Variants in OLFM3 observed in about 807,000 individuals in gnomAD.
OLFM3 encodes noelin-3.
Under a neutral mutation model 48.6 loss-of-function variants are expected in OLFM3, and 20 were observed. The observed-to-expected ratio is 0.41, with a 90% confidence interval of 0.29 to 0.60. The LOEUF is 0.60. Among genes scored for constraint, OLFM3 ranks in the 20% least tolerant of loss-of-function variants. The pLI, the probability that OLFM3 is intolerant of heterozygous loss-of-function variation, is 0.28. For synonymous variants in OLFM3, 222 were observed against 198.1 expected (o/e 1.12, Z -1.01); for missense variants, 437 against 544.3 (o/e 0.80, Z 1.96).
In OLFM3 at chr1:101,881,829, C is replaced by T. The variant is rs1206707641; in HGVS notation, c.70-44804G>A. On this transcript the variant is annotated intron_variant, in intron 1 of 5. Coordinates refer to ENST00000370103, the MANE Select transcript of OLFM3 (RefSeq NM_058170.4). Reference sequence around the variant, plus strand: ...GCTGCAGTATTGGTGGTAGAATATACTATAATATGGATCATCTCTACTTCT... The same window carrying T: ...GCTGCAGTATTGGTGGTAGAATATATTATAATATGGATCATCTCTACTTCT... Among the ~76,000 whole-genome samples, 12 of 151,398 alleles carry T rather than the reference C, an allele frequency of 7.9e-5. No homozygotes were observed. The South Asian group carries it at 2.1e-3, about 26-fold the overall frequency.
chr1:101,844,721 A>G (rs549179448), intron 1 of OLFM3, among the ~76,000 whole-genome samples: 11 of 152,250 alleles, frequency 7.2e-5, no homozygotes, highest in South Asian at 4.1e-4. Context: ...GCCTCTCCCA[A>G]TCATTTATTA....
In OLFM3 at chr1:101,804,250, C is replaced by T. The variant is rs1223658079; in HGVS notation, c.1365G>A (p.Glu455=). The stretch of plus-strand genomic sequence containing the variant: ...ATGTCACATTTGCCTATGTGTCATC[C>T]TCTGTCTTGATGATATGGAAAAGGG... ...NVTLFHIIKT[E]DDT is the part of the protein sequence containing the mutation. The change falls in exon 6 of 6, where the codon GAG becomes GAA. Residue 455 remains glutamate (E), a synonymous_variant. Coordinates refer to ENST00000370103, the MANE Select transcript of OLFM3 (RefSeq NM_058170.4). This position sits in a 1 kb window ranked among gnomAD's most constrained non-coding sequence, Gnocchi z 4.5. The T allele has an allele frequency of 6.9e-6, 11 of 1,591,540 alleles. No individual in the cohort carries two copies. Among genetic ancestry groups the T allele is most frequent in the Non-Finnish European group, 8.6e-6 (10 of 1,169,332 alleles).
At chr1:101,828,074 C>CTCTCTCTCTCTCTT (rs1654969917) in intron 3 of OLFM3, among the ~76,000 whole-genome samples, 1 of 151,708 alleles carries the variant, frequency 6.6e-6, no homozygotes, top group Non-Finnish European at 1.5e-5. Context: ...CTGTCTCTCT[C>CTCTCTCTCTCTCTT]TCTCTCCTCC....
At chr1:101,915,249 T>A in intron 1 of OLFM3, among the ~76,000 whole-genome samples, 1 of 152,160 alleles carries the variant, frequency 6.6e-6, no homozygotes, top group East Asian at 1.9e-4. Context: ...ACCTGAAATT[T>A]TTTGGAGTGC....
chr1:101,974,181 T>C (rs1237796648), intron 1 of OLFM3, among the ~76,000 whole-genome samples: 1 of 152,182 alleles, frequency 6.6e-6, no homozygotes, highest in Non-Finnish European at 1.5e-5. Flanking sequence ...ATGACAAATT[T>C]AACAACTATT....
intron 3 of OLFM3, among the ~76,000 whole-genome samples, chr1:101,825,912 G>C (rs1183812087): frequency 1.3e-5 from 2 of 152,108 alleles, no homozygotes; most frequent in African/African-American, 2.4e-5. Flanking sequence ...AGTGTCCCAA[G>C]GCTCAAATAA....
intron 1 of OLFM3, among the ~76,000 whole-genome samples, chr1:101,896,568 C>T (rs1290367817): frequency 7.1e-6 from 1 of 141,378 alleles, no homozygotes; most frequent in African/African-American, 2.6e-5. Flanking sequence ...GATCTCGGCT[C>T]ACTGCAAACT....
At chr1:101,954,767 G>T (rs1435186986) in intron 1 of OLFM3, among the ~76,000 whole-genome samples, 3 of 151,998 alleles carry the variant, frequency 2.0e-5, no homozygotes, top group Non-Finnish European at 2.9e-5. Flanking sequence ...GTGGTGATTG[G>T]GGTTAGTCAA....
intron 1 of OLFM3, chr1:101,882,369 C>T (rs1657569417): frequency 6.8e-6 from 1 of 147,186 alleles, no homozygotes; most frequent in African/African-American, 2.5e-5. Context: ...AAGAATTCTG[C>T]CAGTTCTGAT....
At chr1:101,896,457 T>C (rs182497110) in intron 1 of OLFM3, among the ~76,000 whole-genome samples, 2 of 151,652 alleles carry the variant, frequency 1.3e-5, no homozygotes, top group African/African-American at 2.4e-5. Flanking sequence ...GTGCAGGACG[T>C]TTTTATTTTT....
At chr1:101,954,732 T>G (rs1660238721) in intron 1 of OLFM3, among the ~76,000 whole-genome samples, 1 of 152,090 alleles carries the variant, frequency 6.6e-6, no homozygotes, top group Admixed American at 6.6e-5. Flanking sequence ...TCCATCCTCT[T>G]TTATTCTATC....
chr1:101,862,461 T>C (rs1656696277), intron 1 of OLFM3, among the ~76,000 whole-genome samples: 1 of 152,228 alleles, frequency 6.6e-6, no homozygotes, highest in Admixed American at 6.5e-5. Context: ...TTACTATTAT[T>C]GTTTAGCTGT....
chr1:101,886,982 T>G (rs1356141318), intron 1 of OLFM3, among the ~76,000 whole-genome samples: 2 of 152,088 alleles, frequency 1.3e-5, no homozygotes, highest in Non-Finnish European at 2.9e-5. Flanking sequence ...TGAAAAATCT[T>G]GAGGGGAATT....
rs3079176 is a variant in OLFM3 at position 101,836,594 on chromosome 1, C to CTTTTT, written c.216+280_216+284dup. 4.1e-5 allele frequency among the ~76,000 whole-genome samples: 6 copies of CTTTTT among 146,384 alleles called. No homozygotes were observed. In the East Asian group the frequency reaches 7.9e-4, roughly 19 times the overall value. Reference sequence around the variant, plus strand: ...GAATTTTTGGCATCAGAATAAGATGCTTTTTTTTTTTCCTTAATGAGATAT... The same window carrying CTTTTT: ...GAATTTTTGGCATCAGAATAAGATGCTTTTTTTTTTTTTTTTCCTTAATGAGATAT... On this transcript the variant is annotated intron_variant, in intron 2 of 5. Coordinates refer to ENST00000370103, the MANE Select transcript of OLFM3 (RefSeq NM_058170.4).
intron 1 of OLFM3, among the ~76,000 whole-genome samples, chr1:101,899,924 T>G (rs1241225730): frequency 6.6e-6 from 1 of 152,200 alleles, no homozygotes; most frequent in Non-Finnish European, 1.5e-5. Flanking sequence ...CTTGTAATGT[T>G]ATTTCTTTGT....
intron 1 of OLFM3, among the ~76,000 whole-genome samples, chr1:101,921,313 A>G (rs1206411137): frequency 1.3e-5 from 2 of 152,166 alleles, no homozygotes; most frequent in Non-Finnish European, 2.9e-5. Context: ...TTACAGCAGA[A>G]CAAGAGTAAA....
intron 1 of OLFM3, among the ~76,000 whole-genome samples, chr1:101,969,059 C>A (rs1381612791): frequency 4.6e-5 from 7 of 152,172 alleles, no homozygotes; most frequent in African/African-American, 7.2e-5. Flanking sequence ...ATTAGTGACC[C>A]AGAGTGAACA....
Position 101,925,931 on chromosome 1 carries a change from G to A in OLFM3, c.69+70817C>T, listed in dbSNP as rs1053235365. ...CCTAGCACTTGGCTTAGCCCATGGT[G>A]GATTCTTAGTAAATATTTGGTGAAT... On this transcript the variant is annotated intron_variant, in intron 1 of 5. Coordinates refer to ENST00000370103, the MANE Select transcript of OLFM3 (RefSeq NM_058170.4). 6.6e-5 allele frequency among the ~76,000 whole-genome samples: 10 copies of A among 152,158 alleles called. No homozygotes were observed. The South Asian group carries it at 2.1e-3, about 32-fold the overall frequency.
At chr1:101,860,575 C>T (rs886402842) in intron 1 of OLFM3, among the ~76,000 whole-genome samples, 3 of 151,976 alleles carry the variant, frequency 2.0e-5, no homozygotes, top group East Asian at 1.9e-4. Flanking sequence ...TCTCTTCAAT[C>T]GTTAAAGAAT....
Sources: allele counts gnomAD v4.1 joint callset (sites outside exome capture counted in the v4.1 genomes callset), GRCh38; gene constraint gnomAD v4.1.1; non-coding constraint Gnocchi (gnomAD v3.1); transcripts MANE v1.5; gene names NCBI Gene and HGNC (gene_info 2026-07-23, HGNC 2026-07-21).